Variants in TMED3 observed in about 807,000 individuals in gnomAD.
TMED3 encodes transmembrane p24 trafficking protein 3.
In TMED3, 9 loss-of-function variants were observed where a neutral mutation model predicts 15.0. That is an observed-to-expected ratio of 0.60 (90% CI 0.36 to 1.04). The LOEUF is 1.04. TMED3 is among the 50% of genes least tolerant of loss of function. The probability of loss-of-function intolerance (pLI) is 0.01; values close to 1 mark genes in which losing one functional copy is unlikely to be tolerated. For missense variants in TMED3, 267 were observed against 278.9 expected, an observed-to-expected ratio of 0.96 and a Z score of 0.30; for synonymous variants, 117 against 121.4, an observed-to-expected ratio of 0.96 and a Z score of 0.24.
chr15:79,352,919 A>T lies in TMED3; in HGVS notation c.417+38914A>T, dbSNP rs1441904787. ...ATAAAATATACATATAATATATATA[A>T]AATATATATAATATATATACATATA... On this transcript the variant is annotated intron_variant, in intron 2 of 2. Transcript: ENST00000424155. Among the ~76,000 whole-genome samples the T allele has an allele frequency of 3.6e-3, 369 of 101,824 alleles. 3 individuals carry two copies. The highest frequency in any genetic ancestry group is 0.013 in the African/African-American group (357 of 26,794). The allele number at this position is 101,824 out of a possible 152,430, so 66.8% of individuals were successfully genotyped here.
At chr15:79,382,882 A>G (rs575104186) in intron 2 of TMED3, 19 of 1,306,710 alleles carry the variant, frequency 1.5e-5, no homozygotes, top group Middle Eastern at 1.8e-4. Flanking sequence ...ATCTCATACT[A>G]TTGTTCTTAC....
At position 79,313,849 on chromosome 15, in the gene TMED3, C is replaced by T. The variant is rs142797721; in HGVS notation, c.261C>T (p.Ser87=). The change falls in exon 2 of 3, where the codon AGC becomes AGT. Residue 87 remains serine (S), a synonymous_variant. Coordinates refer to ENST00000299705, the MANE Select transcript of TMED3 (RefSeq NM_007364.4). ...GAGAAACGAAGAAGCAGTACGACAG[C>T]TTCACGTACCGGGCTGAAGTCAAGG... The part of the protein sequence containing the change: ...IYRETKKQYD[S]FTYRAEVKGV... The T allele has an allele frequency of 3.5e-3, 5,581 of 1,614,232 alleles. 251 individuals carry two copies. The Admixed American group carries it at 0.084, about 24-fold the overall frequency.
At chr15:79,394,958 T>C (rs1893744478) in intron 2 of TMED3, among the ~76,000 whole-genome samples, 1 of 152,238 alleles carries the variant, frequency 6.6e-6, no homozygotes, top group African/African-American at 2.4e-5. Flanking sequence ...ATGTTATTTA[T>C]GTATCCATAA....
At chr15:79,332,970 T>C (rs1567025751) in intron 2 of TMED3, among the ~76,000 whole-genome samples, 1 of 152,232 alleles carries the variant, frequency 6.6e-6, no homozygotes, top group African/African-American at 2.4e-5. Context: ...CAGGAATGAA[T>C]GGCCCCTGAC....
downstream of TMED3, among the ~76,000 whole-genome samples, chr15:79,326,656 A>G (rs1327868855): frequency 6.6e-6 from 1 of 152,218 alleles, no homozygotes; most frequent in Non-Finnish European, 1.5e-5. Flanking sequence ...TCTAGGTGCT[A>G]TAGACAGAAT....
At chr15:79,328,490 C>T (rs922545455) in intron 2 of TMED3, among the ~76,000 whole-genome samples, 6 of 152,290 alleles carry the variant, frequency 3.9e-5, no homozygotes, top group Admixed American at 6.5e-5. Flanking sequence ...GCACCTGGGA[C>T]GCGACCTTTG....
intron 2 of TMED3, among the ~76,000 whole-genome samples, chr15:79,402,272 A>G (rs1595911818): frequency 6.6e-6 from 1 of 152,184 alleles, no homozygotes; most frequent in African/African-American, 2.4e-5. Flanking sequence ...CCTGTGCCCC[A>G]TGGGTCCAGT....
At position 79,354,850 on chromosome 15, in the gene TMED3, C is replaced by T. The variant is rs531898884; in HGVS notation, c.417+40845C>T. On this transcript the variant is annotated intron_variant, in intron 2 of 2. Coordinates refer to the TMED3 transcript ENST00000424155. ...CCCTTCAAGCTCTGCCCCCCCATTCCGTTTTTAGCTTGATTCTGATCTTTC... is the reference window on the plus strand; with the variant it reads ...CCCTTCAAGCTCTGCCCCCCCATTCTGTTTTTAGCTTGATTCTGATCTTTC... 7.9e-5 allele frequency among the ~76,000 whole-genome samples: 12 copies of T among 152,222 alleles called. No homozygotes were observed. In the South Asian group the frequency reaches 1.9e-3, roughly 24 times the overall value.
At position 79,311,292 on chromosome 15, in the gene TMED3, C is replaced by T; in HGVS notation, c.43C>T (p.Leu15=). Residue 15 remains leucine (L), a synonymous_variant, in exon 1 of 3, where the codon CTG becomes TTG. Transcript: ENST00000299705. ...VPRSASVLLL[L]LLLRRAEQPC... ...GCGCTCCGCCTCCGTGCTGCTTCTG[C>T]TGCTGCTCCTGCGCCGGGCCGAGCA... The T allele has an allele frequency of 6.2e-7, 1 of 1,607,922 alleles. No individual in the cohort carries two copies.
chr15:79,379,769 A>G (rs949390657), intron 2 of TMED3, among the ~76,000 whole-genome samples: 2 of 152,244 alleles, frequency 1.3e-5, no homozygotes, highest in Non-Finnish European at 2.9e-5. Context: ...GTATTTAATG[A>G]AAGTGTATAA....
At chr15:79,390,266 T>C (rs1304518292) in intron 2 of TMED3, among the ~76,000 whole-genome samples, 1 of 152,132 alleles carries the variant, frequency 6.6e-6, no homozygotes, top group African/African-American at 2.4e-5. Context: ...ATGTCACTTG[T>C]ATGCTGATTT....
At chr15:79,332,782 A>C (rs1380482798) in intron 2 of TMED3, among the ~76,000 whole-genome samples, 1 of 152,186 alleles carries the variant, frequency 6.6e-6, no homozygotes, top group Non-Finnish European at 1.5e-5. Flanking sequence ...CATTCTGAAC[A>C]AAAGTCATCT....
intron 2 of TMED3, among the ~76,000 whole-genome samples, chr15:79,405,591 G>T (rs116013860): frequency 1.8e-3 from 269 of 152,290 alleles, no homozygotes; most frequent in African/African-American, 6.3e-3. Context: ...GAATAACCTG[G>T]CAAGTCTCCG....
intron 2 of TMED3, among the ~76,000 whole-genome samples, chr15:79,404,917 A>C (rs1220596755): frequency 1.3e-5 from 2 of 152,098 alleles, no homozygotes; most frequent in Non-Finnish European, 2.9e-5. Context: ...TTCCTCCTCT[A>C]TCTGTTAATC....
At chr15:79,391,690 C>CG (rs1281659895) in intron 2 of TMED3, among the ~76,000 whole-genome samples, 3 of 151,258 alleles carry the variant, frequency 2.0e-5, no homozygotes, top group Non-Finnish European at 3.0e-5. Flanking sequence ...TATTGAAGCC[C>CG]CCACTATTAT....
At position 79,322,433 on chromosome 15, in the gene TMED3, C is replaced by T. The variant is rs893470843; in HGVS notation, c.*219C>T. 24 of 1,383,388 alleles carry T rather than the reference C, an allele frequency of 1.7e-5. No homozygotes were observed. The highest frequency in any genetic ancestry group is 1.1e-4 in the East Asian group (4 of 37,238). The allele number at this position is 1,383,388 out of a possible 1,614,324, so 85.7% of individuals were successfully genotyped here. ...GCATCCGACTGCATTAAGTGTGCAG[C>T]GCTGAAAAGACATTTACAACTAGGC... On this transcript the variant is annotated 3_prime_UTR_variant, in exon 3 of 3. Transcript: ENST00000299705.
chr15:79,327,952 G>T (rs1414341604), intron 2 of TMED3, among the ~76,000 whole-genome samples: 2 of 152,208 alleles, frequency 1.3e-5, no homozygotes, highest in South Asian at 2.1e-4. Context: ...CTATGTGTTT[G>T]GGGGCTTGTG....
downstream of TMED3, among the ~76,000 whole-genome samples, chr15:79,326,839 G>A (rs1053869071): frequency 1.3e-5 from 2 of 152,100 alleles, no homozygotes; most frequent in Non-Finnish European, 2.9e-5. Flanking sequence ...TTAGTGTTGC[G>A]ATAAAGGAAT....
chr15:79,395,439 C>T (rs1304269891), intron 2 of TMED3, among the ~76,000 whole-genome samples: 1 of 152,192 alleles, frequency 6.6e-6, no homozygotes, highest in Non-Finnish European at 1.5e-5. Context: ...CATGGGCCTC[C>T]CAAAGTGTTG....
Sources: allele counts gnomAD v4.1 joint callset (sites outside exome capture counted in the v4.1 genomes callset), GRCh38; gene constraint gnomAD v4.1.1; transcripts MANE v1.5; gene names NCBI Gene and HGNC (gene_info 2026-07-23, HGNC 2026-07-21).